Variants in ATP8A1 observed in about 807,000 individuals in gnomAD.
The protein encoded by ATP8A1 is phospholipid-transporting ATPase IA.
ATP8A1 carries 90 observed loss-of-function variants against 177.7 expected under a neutral mutation model. That is an observed-to-expected ratio of 0.51 (90% confidence interval 0.43 to 0.60). ATP8A1 has a LOEUF of 0.60. Among genes scored for constraint, ATP8A1 ranks in the 20% least tolerant of loss-of-function variants. The pLI is 0.00. For missense variants in ATP8A1, 1,072 were observed against 1,392.8 expected, an observed-to-expected ratio of 0.77 and a Z score of 3.67; for synonymous variants, 493 against 485.9, an observed-to-expected ratio of 1.01 and a Z score of -0.19.
At chr4:42,654,599 A>C (rs1447210352) in intron 1 of ATP8A1, among the ~76,000 whole-genome samples, 2 of 152,128 alleles carry the variant, frequency 1.3e-5, no homozygotes, top group African/African-American at 4.8e-5. Flanking sequence ...CCCATGACTT[A>C]TTATGGCCAC....
In ATP8A1 at chr4:42,556,047, G is replaced by A. The variant is rs750010426; in HGVS notation, c.1341-7C>T. ...TCCAAACTGTGAGTTCTGCCTGAAG[G>A]GGGTAAAAAATAGAGTAAACCCAGT... On this transcript the variant is annotated splice_region_variant and splice_polypyrimidine_tract_variant and intron_variant, in intron 15 of 36. Transcript: ENST00000381668. 1.2e-6 allele frequency: 2 copies of A among 1,605,944 alleles called. No individual in the cohort carries two copies. The highest frequency in any genetic ancestry group is 1.7e-6 in the Non-Finnish European group (2 of 1,174,928).
At chr4:42,444,862 G>C (rs554704314) in intron 31 of ATP8A1, among the ~76,000 whole-genome samples, 1 of 152,270 alleles carries the variant, frequency 6.6e-6, no homozygotes, top group East Asian at 1.9e-4. Context: ...CGGCTTCCTT[G>C]CCTCTCCCTC....
At chr4:42,544,849 T>A (rs185003689) in intron 19 of ATP8A1, among the ~76,000 whole-genome samples, 160 of 152,158 alleles carry the variant, frequency 1.1e-3, no homozygotes, top group Middle Eastern at 6.8e-3. Flanking sequence ...AGGAGTTTCT[T>A]TCAGAGGTAT....
In ATP8A1 at chr4:42,456,153, A is replaced by C. The variant is rs545143853; in HGVS notation, c.2620-554T>G. ...CTCCACCCCCTTAATATTATGTAAT[A>C]TGCATTTTCTTAAGTTGTCACATAT... On this transcript the variant is annotated intron_variant, in intron 27 of 36. Transcript: ENST00000381668. Among the ~76,000 whole-genome samples the C allele has an allele frequency of 2.0e-5, 3 of 152,294 alleles. No homozygotes were observed. In the East Asian group the frequency reaches 5.8e-4, roughly 29 times the overall value.
chr4:42,611,991 G>T lies in ATP8A1; in HGVS notation c.409+4042C>A, dbSNP rs562381055. 5.6e-4 allele frequency among the ~76,000 whole-genome samples: 86 copies of T among 152,272 alleles called. No individual in the cohort carries two copies. The South Asian group carries it at 7.5e-3, about 13-fold the overall frequency. On this transcript the variant is annotated intron_variant, in intron 5 of 36. Coordinates refer to ENST00000381668, the MANE Select transcript of ATP8A1 (RefSeq NM_006095.2). Reference sequence around the variant, plus strand: ...AAGGTTAGATACAAGGAAAATGAGCGCATTCTGAACAGGGCAGTGCTTTGA... The same window carrying T: ...AAGGTTAGATACAAGGAAAATGAGCTCATTCTGAACAGGGCAGTGCTTTGA...
chr4:42,551,151 A>C lies in ATP8A1; in HGVS notation c.1602+47T>G, dbSNP rs1729460688. On this transcript the variant is annotated intron_variant, in intron 18 of 36. Transcript: ENST00000381668. ...TATTACTTTATCTTTGAAGCTATGC[A>C]AATGTATTACTTGGATTAAAAAGAA... 2.1e-6 allele frequency: 3 copies of C among 1,462,538 alleles called. No homozygotes were observed. In the East Asian group the frequency reaches 6.8e-5, roughly 33 times the overall value. The allele number at this position is 1,462,538 out of a possible 1,614,324, so 90.6% of individuals were successfully genotyped here.
At chr4:42,502,391 T>A (rs1377155417) in intron 24 of ATP8A1, among the ~76,000 whole-genome samples, 2 of 152,214 alleles carry the variant, frequency 1.3e-5, no homozygotes, top group Non-Finnish European at 2.9e-5. Flanking sequence ...CTTCTCTTTC[T>A]TGAGATTACT....
chr4:42,436,567 G>GGTCT (rs1716024074), intron 33 of ATP8A1, among the ~76,000 whole-genome samples: 1 of 152,224 alleles, frequency 6.6e-6, no homozygotes, highest in Non-Finnish European at 1.5e-5. Flanking sequence ...AGTGAATGAA[G>GGTCT]GTCTACCTGT....
intron 19 of ATP8A1, among the ~76,000 whole-genome samples, chr4:42,545,236 GTC>G (rs1348950099): frequency 6.6e-6 from 1 of 151,248 alleles, no homozygotes; most frequent in Non-Finnish European, 1.5e-5. Context: ...TACTACCCCA[GTC>G]TCTATCCCTG....
intron 10 of ATP8A1, 127 bp downstream of exon 10, chr4:42,581,494 C>T: frequency 1.4e-6 from 1 of 712,218 alleles, no homozygotes; most frequent in Middle Eastern, 2.4e-4. Flanking sequence ...AGATTCTGAA[C>T]ATATAGGGTT....
chr4:42,558,258 T>C (rs1230213479), intron 15 of ATP8A1, among the ~76,000 whole-genome samples: 1 of 152,136 alleles, frequency 6.6e-6, no homozygotes, highest in African/African-American at 2.4e-5. Context: ...GTAAAAATAA[T>C]AGGACTGTTA....
chr4:42,507,951 G>A lies in ATP8A1; in HGVS notation c.1948-797C>T, dbSNP rs1177162559. On this transcript the variant is annotated intron_variant, in intron 22 of 36. Coordinates refer to ENST00000381668, the MANE Select transcript of ATP8A1 (RefSeq NM_006095.2). ...ATGTATACACAATTAGAAACCAAGA[G>A]GAAAAGAACAACAAAGTGATAGTAT... 3.9e-5 allele frequency among the ~76,000 whole-genome samples: 6 copies of A among 152,050 alleles called. No individual in the cohort carries two copies. In the East Asian group the frequency reaches 1.2e-3, roughly 29 times the overall value.
At chr4:42,458,187 G>A (rs1489891249) in intron 27 of ATP8A1, among the ~76,000 whole-genome samples, 1 of 150,896 alleles carries the variant, frequency 6.6e-6, no homozygotes, top group Non-Finnish European at 1.5e-5. Context: ...CATATCCCGT[G>A]CAAAATAAAA....
intron 22 of ATP8A1, among the ~76,000 whole-genome samples, chr4:42,513,297 C>A (rs899933195): frequency 6.6e-6 from 1 of 152,164 alleles, no homozygotes; most frequent in Admixed American, 6.6e-5. Flanking sequence ...AGAAACAGTG[C>A]TCCCCTGGAA....
rs367750346 is a variant in ATP8A1, at chr4:42,627,066, A to T, written c.93T>A (p.Ala31=). ...TDDVSEKTSL[A]DQEEVRTIFI... Reference sequence around the variant, plus strand: ...AAATAGTCCTTACTTCCTCCTGGTCAGCCAGTGAGGTCTTCTCTGAAACAT... The same window carrying T: ...AAATAGTCCTTACTTCCTCCTGGTCTGCCAGTGAGGTCTTCTCTGAAACAT... Residue 31 remains alanine, a synonymous_variant, in exon 2 of 37, where the codon GCT becomes GCA. Coordinates refer to ENST00000381668, the MANE Select transcript of ATP8A1 (RefSeq NM_006095.2). The T allele has an allele frequency of 4.9e-5, 79 of 1,614,152 alleles. No homozygotes were observed. The African/African-American group carries it at 7.2e-4, about 15-fold the overall frequency.
intron 1 of ATP8A1, among the ~76,000 whole-genome samples, chr4:42,647,926 G>T (rs115686635): frequency 3.3e-5 from 5 of 152,030 alleles, no homozygotes; most frequent in Non-Finnish European, 7.4e-5. Flanking sequence ...CAGATACCTG[G>T]TCAAATCTTA....
chr4:42,523,035 C>T (rs1175063709), intron 21 of ATP8A1, among the ~76,000 whole-genome samples: 1 of 152,168 alleles, frequency 6.6e-6, no homozygotes, highest in African/African-American at 2.4e-5. Flanking sequence ...CTTCCTCTTA[C>T]TAGGATATAT....
rs542662955 is a variant in ATP8A1 at position 42,535,434 on chromosome 4, C to G, written c.1722+8483G>C. 4.6e-5 allele frequency among the ~76,000 whole-genome samples: 7 copies of G among 152,216 alleles called. No homozygotes were observed. The East Asian group carries it at 1.4e-3, about 29-fold the overall frequency. On this transcript the variant is annotated intron_variant, in intron 20 of 36. Transcript: ENST00000381668. Reference sequence around the variant, plus strand: ...TATCACAATCCTAAATATATATGCACTTAACACTGGAGCTCCCAAATTTAT... The same window carrying G: ...TATCACAATCCTAAATATATATGCAGTTAACACTGGAGCTCCCAAATTTAT...
intron 30 of ATP8A1, among the ~76,000 whole-genome samples, chr4:42,451,286 A>C (rs13139219): frequency 0.63 from 95,377 of 151,946 alleles, 31,862 homozygotes; most frequent in East Asian, 0.75. Context: ...TGGGTGTACT[A>C]TGTGTTGTGT....
Sources: allele counts gnomAD v4.1 joint callset (sites outside exome capture counted in the v4.1 genomes callset), GRCh38; gene constraint gnomAD v4.1.1; transcripts MANE v1.5; gene names NCBI Gene and HGNC (gene_info 2026-07-23, HGNC 2026-07-21).